ITSN1: variants seen among roughly 807,000 people sequenced by gnomAD.
ITSN1 encodes the protein intersectin-1.
Under a neutral mutation model 239.8 loss-of-function variants are expected in ITSN1, and 58 were observed. The ratio of observed to expected loss-of-function variants is 0.24; its 90% CI spans 0.20 to 0.30. The LOEUF (loss-of-function observed/expected upper bound fraction) is 0.30. ITSN1 is among the 10% of genes least tolerant of loss of function. The pLI is 1.00. For missense variants in ITSN1, 1,558 were observed against 2,103.3 expected, an observed-to-expected ratio of 0.74 and a Z score of 5.07; for synonymous variants, 780 against 770.8, an observed-to-expected ratio of 1.01 and a Z score of -0.20.
At chr21:33,762,824 T>C (rs2068445352) in intron 9 of ITSN1, among the ~76,000 whole-genome samples, 1 of 151,722 alleles carries the variant, frequency 6.6e-6, no homozygotes, top group Non-Finnish European at 1.5e-5. Flanking sequence ...CCCCCACGCT[T>C]GGCTAATTTT....
At chr21:33,663,852 C>T (rs148408793) in intron 1 of ITSN1, among the ~76,000 whole-genome samples, 8 of 152,318 alleles carry the variant, frequency 5.3e-5, no homozygotes, top group East Asian at 3.9e-4. Context: ...CCGCCCACCT[C>T]GGCCTCCCAA....
Position 33,784,647 on chromosome 21 carries a change from AAAAC to A in ITSN1, c.1824+2521_1824+2524del, listed in dbSNP as rs548034832. On this transcript the variant is annotated intron_variant, in intron 16 of 39. Coordinates refer to ENST00000381318, the MANE Select transcript of ITSN1 (RefSeq NM_003024.3). ...TATTCCTCTCAAACCTGATAAAGCC[AAAAC>A]AAACAATTAAATTGGAGAATCAAAA... is the stretch of plus-strand genomic sequence containing the variant. Among the ~76,000 whole-genome samples, 435 of 152,398 alleles carry A rather than the reference AAAAC, an allele frequency of 2.9e-3. 1 individual carries two copies. Among genetic ancestry groups the A allele is most frequent in the African/African-American group, 9.4e-3 (389 of 41,598 alleles).
intron 1 of ITSN1, among the ~76,000 whole-genome samples, chr21:33,682,572 C>T (rs1295134377): frequency 1.3e-5 from 2 of 152,072 alleles, no homozygotes; most frequent in Non-Finnish European, 2.9e-5. Flanking sequence ...GTTGCCCAGG[C>T]TGGAAGAATA....
At chr21:33,861,095 TC>T (rs1222966790) in intron 31 of ITSN1, among the ~76,000 whole-genome samples, 1 of 152,234 alleles carries the variant, frequency 6.6e-6, no homozygotes, top group Non-Finnish European at 1.5e-5. Context: ...GGACCTGATT[TC>T]TTTTTCTTCT....
intron 8 of ITSN1, among the ~76,000 whole-genome samples, chr21:33,757,740 T>G (rs2068023923): frequency 6.6e-6 from 1 of 152,106 alleles, no homozygotes; most frequent in Admixed American, 6.6e-5. Flanking sequence ...AAGCAAAATA[T>G]CAAGAAAGTT....
intron 1 of ITSN1, among the ~76,000 whole-genome samples, chr21:33,657,575 G>A (rs1243431899): frequency 2.0e-5 from 3 of 152,014 alleles, no homozygotes; most frequent in East Asian, 3.9e-4. Flanking sequence ...TTCTAACCCT[G>A]CATCGTGTAA....
At chr21:33,841,440 G>A (rs2074820062) in intron 29 of ITSN1, among the ~76,000 whole-genome samples, 1 of 152,158 alleles carries the variant, frequency 6.6e-6, no homozygotes, top group African/African-American at 2.4e-5. Context: ...GGTGACTATA[G>A]AAAACACCAG....
chr21:33,729,874 A>G (rs897292871), intron 4 of ITSN1, among the ~76,000 whole-genome samples: 2 of 152,232 alleles, frequency 1.3e-5, no homozygotes, highest in African/African-American at 4.8e-5. Flanking sequence ...TCAGGGACTC[A>G]GCTTTCAGCT....
rs577475197 is a variant in ITSN1 at position 33,769,147 on chromosome 21, G to A, written c.1042+1319G>A. 2.4e-3 allele frequency among the ~76,000 whole-genome samples: 367 copies of A among 152,314 alleles called. 14 individuals are homozygous for A. Among genetic ancestry groups the A allele is most frequent in the South Asian group, 8.3e-3 (40 of 4,828 alleles). ...GTCACCACAAGTGGAAGTGAGAATA[G>A]TTCAGGTTTTGATAACAATGAGAAT... is the stretch of plus-strand genomic sequence containing the variant. On this transcript the variant is annotated intron_variant, in intron 11 of 39. Coordinates refer to ENST00000381318, the MANE Select transcript of ITSN1 (RefSeq NM_003024.3).
At chr21:33,704,817 G>C (rs1433569695) in intron 1 of ITSN1, among the ~76,000 whole-genome samples, 1 of 151,358 alleles carries the variant, frequency 6.6e-6, no homozygotes, top group Non-Finnish European at 1.5e-5. Flanking sequence ...GGCCGGGCGC[G>C]GTGGCTCACA....
rs765501018 is a variant in ITSN1, at chr21:33,818,394, G to C, written c.2855G>C (p.Gly952Ala). 6.2e-7 allele frequency: 1 copy of C among 1,614,240 alleles called. No individual in the cohort carries two copies. Among genetic ancestry groups the C allele is most frequent in the Non-Finnish European group, 8.5e-7 (1 of 1,180,048 alleles). ...GAACAGCAAGACATGTGGTGGTTTG[G>C]AGAAGTTCAAGGTCAGAAGGGTTGG... is the stretch of plus-strand genomic sequence containing the variant. ...VLEQQDMWWFGEVQGQKGWFP... is the reference protein window; with the variant it reads ...VLEQQDMWWFAEVQGQKGWFP... The change falls in exon 23 of 40, where the codon GGA becomes GCA. Residue 952 changes from glycine (G) to alanine (A), a missense_variant. Physicochemically the swap from Gly to Ala is moderately conservative, Grantham distance 60. Transcript: ENST00000381318.
At position 33,794,350 on chromosome 21, in the gene ITSN1, G is replaced by T; in HGVS notation, c.1834G>T (p.Glu612Ter). The T allele has an allele frequency of 6.2e-7, 1 of 1,612,240 alleles. No individual in the cohort carries two copies. Among genetic ancestry groups the T allele is most frequent in the South Asian group, 1.1e-5 (1 of 90,776 alleles). ...IFNNQLKELR[E>*]IHNKQQLQKQ... The stretch of plus-strand genomic sequence containing the variant: ...TCTCGGTTAATTATAGGAACTAAGA[G>T]AAATACACAATAAGCAACAACTCCA... Residue 612 changes from glutamate to a stop codon, truncating the protein, a stop_gained, in exon 17 of 40, where the codon GAA becomes TAA. Coordinates refer to ENST00000381318, the MANE Select transcript of ITSN1 (RefSeq NM_003024.3). LOFTEE classifies it high-confidence loss of function.
intron 20 of ITSN1, among the ~76,000 whole-genome samples, chr21:33,804,489 TG>T (rs2072252510): frequency 6.6e-6 from 1 of 152,190 alleles, no homozygotes; most frequent in Non-Finnish European, 1.5e-5. Flanking sequence ...TCACTAACTC[TG>T]CTAGGAATTT....
At chr21:33,734,973 G>T in intron 4 of ITSN1, 71 bp from the exon 5 acceptor site, 1 of 1,330,606 alleles carries the variant, frequency 7.5e-7, no homozygotes. Context: ...TTTCGTGTTG[G>T]TGGGAGTGGT....
chr21:33,729,647 A>G (rs2066046000), intron 4 of ITSN1, among the ~76,000 whole-genome samples: 1 of 152,172 alleles, frequency 6.6e-6, no homozygotes, highest in Non-Finnish European at 1.5e-5. Context: ...TTTAAAGGGA[A>G]CAGGTAGGCT....
chr21:33,719,512 T>G (rs1159866180), intron 2 of ITSN1, among the ~76,000 whole-genome samples: 1 of 152,246 alleles, frequency 6.6e-6, no homozygotes, highest in Non-Finnish European at 1.5e-5. Context: ...AGTCTGTACC[T>G]TATAGTCTTT....
chr21:33,704,783 G>T (rs146019773), intron 1 of ITSN1, among the ~76,000 whole-genome samples: 2 of 151,802 alleles, frequency 1.3e-5, no homozygotes, highest in African/African-American at 4.8e-5. Context: ...TAAGGACCTC[G>T]AAATCAGTTG....
intron 1 of ITSN1, among the ~76,000 whole-genome samples, chr21:33,649,876 C>T (rs1374417320): frequency 1.3e-5 from 2 of 151,766 alleles, no homozygotes; most frequent in Non-Finnish European, 2.9e-5. Flanking sequence ...ATTAGGCGGG[C>T]GTGGTGGCGC....
intron 34 of ITSN1, among the ~76,000 whole-genome samples, chr21:33,880,678 C>T (rs959807104): frequency 1.3e-5 from 2 of 152,100 alleles, no homozygotes; most frequent in East Asian, 1.9e-4. Flanking sequence ...ACACATGTTA[C>T]GAACCTATCA....
Sources: allele counts gnomAD v4.1 joint callset (sites outside exome capture counted in the v4.1 genomes callset), GRCh38; gene constraint gnomAD v4.1.1; transcripts MANE v1.5; gene names NCBI Gene and HGNC (gene_info 2026-07-23, HGNC 2026-07-21).